HECW1: variants seen among roughly 807,000 people sequenced by gnomAD.
The protein encoded by HECW1 is E3 ubiquitin-protein ligase HECW1.
HECW1 carries 61 observed loss-of-function variants against 182.3 expected under a neutral mutation model. The ratio of observed to expected loss-of-function variants is 0.33; its 90% CI spans 0.27 to 0.41. The LOEUF is 0.41. Among genes scored for constraint, HECW1 ranks in the 10% least tolerant of loss-of-function variants. The pLI, the probability that HECW1 is intolerant of heterozygous loss-of-function variation, is 1.00. For synonymous variants in HECW1, 859 were observed against 832.6 expected, an observed-to-expected ratio of 1.03 and a Z score of -0.55; for missense variants, 1,739 against 2,108.9, an observed-to-expected ratio of 0.82 and a Z score of 3.44.
chr7:43,299,145 G>A (rs1806413730), intron 3 of HECW1, among the ~76,000 whole-genome samples: 1 of 152,236 alleles, frequency 6.6e-6, no homozygotes, highest in South Asian at 2.1e-4. Flanking sequence ...AAATGTCTTA[G>A]TGAGATGATA....
chr7:43,508,406 C>G (rs1019558203), intron 23 of HECW1, among the ~76,000 whole-genome samples: 2 of 152,124 alleles, frequency 1.3e-5, no homozygotes, highest in African/African-American at 4.8e-5. Flanking sequence ...AGGTGGTGTA[C>G]CCCTCTGAGT....
intron 5 of HECW1, among the ~76,000 whole-genome samples, chr7:43,332,787 C>T (rs1488272227): frequency 6.6e-6 from 1 of 152,212 alleles, no homozygotes; most frequent in African/African-American, 2.4e-5. Flanking sequence ...AGCTAAACTT[C>T]TTTGAGCCAT....
chr7:43,211,022 A>G (rs1795964466), intron 2 of HECW1, among the ~76,000 whole-genome samples: 1 of 152,186 alleles, frequency 6.6e-6, no homozygotes, highest in African/African-American at 2.4e-5. Flanking sequence ...TATCCCGGTC[A>G]TTGTATTGTC....
chr7:43,279,008 A>G (rs78896906), intron 3 of HECW1, among the ~76,000 whole-genome samples: 4,214 of 152,316 alleles, frequency 0.028, 89 homozygotes, highest in Middle Eastern at 0.054. Context: ...CCTGGCTTAC[A>G]GGAAGTCAGT....
chr7:43,309,610 T>C (rs1349739822), intron 3 of HECW1, among the ~76,000 whole-genome samples: 1 of 152,210 alleles, frequency 6.6e-6, no homozygotes, highest in East Asian at 1.9e-4. Context: ...AGGCTCTTCA[T>C]CATGAATGCA....
At chr7:43,370,492 A>C (rs1230902278) in intron 6 of HECW1, among the ~76,000 whole-genome samples, 1 of 152,096 alleles carries the variant, frequency 6.6e-6, no homozygotes, top group African/African-American at 2.4e-5. Flanking sequence ...CAGCAATCTC[A>C]CTCCTTGGTA....
intron 14 of HECW1, among the ~76,000 whole-genome samples, chr7:43,464,512 G>A (rs1054814573): frequency 1.3e-5 from 2 of 151,240 alleles, no homozygotes; most frequent in African/African-American, 4.9e-5. Flanking sequence ...TTTTTAACCT[G>A]TAATGAGATA....
chr7:43,507,921 G>A, intron 22 of HECW1, 97 bp from the exon 23 acceptor site: 1 of 755,864 alleles, frequency 1.3e-6, no homozygotes, highest in Non-Finnish European at 2.3e-6. Flanking sequence ...GGAGAGGCTG[G>A]GGAGTGAGAA....
At chr7:43,180,917 C>G (rs1398643151) in intron 2 of HECW1, among the ~76,000 whole-genome samples, 1 of 152,152 alleles carries the variant, frequency 6.6e-6, no homozygotes, top group East Asian at 1.9e-4. Context: ...AGTCACCCTA[C>G]TGTGCAATAG....
rs190894009 is a variant in HECW1 at position 43,513,400 on chromosome 7, A to G, written c.4019+4279A>G. Reference sequence around the variant, plus strand: ...GCCACTTCCAGGCAAGGCACTGCCCAAAGACATCAATGGAGAAACCCCTGA... The same window carrying G: ...GCCACTTCCAGGCAAGGCACTGCCCGAAGACATCAATGGAGAAACCCCTGA... On this transcript the variant is annotated intron_variant, in intron 24 of 29. Transcript: ENST00000395891. Among the ~76,000 whole-genome samples the G allele has an allele frequency of 9.6e-4, 146 of 152,326 alleles. 2 individuals are homozygous for G. In the Middle Eastern group the frequency reaches 0.01, roughly 11 times the overall value.
At chr7:43,163,194 C>T (rs1790739593) in intron 2 of HECW1, 1 of 152,312 alleles carries the variant, frequency 6.6e-6, no homozygotes. Flanking sequence ...ACACACCAGG[C>T]TTCTTGAACA....
At chr7:43,447,458 T>C (rs191591789) in intron 11 of HECW1, among the ~76,000 whole-genome samples, 1 of 152,160 alleles carries the variant, frequency 6.6e-6, no homozygotes, top group African/African-American at 2.4e-5. Flanking sequence ...ATATCTAAGT[T>C]CCTGAACTCT....
chr7:43,455,944 T>C (rs529104030), intron 12 of HECW1, among the ~76,000 whole-genome samples: 1 of 151,770 alleles, frequency 6.6e-6, no homozygotes, highest in South Asian at 2.1e-4. Flanking sequence ...GAGGTTGCAG[T>C]GAGCCAAGAT....
At chr7:43,546,256 T>G (rs1264295635) in intron 26 of HECW1, among the ~76,000 whole-genome samples, 2 of 134,784 alleles carry the variant, frequency 1.5e-5, no homozygotes, top group Non-Finnish European at 3.1e-5. Flanking sequence ...ATATCCACAG[T>G]CTCTTTCATG....
chr7:43,541,432 A>G (rs962232109), intron 25 of HECW1, among the ~76,000 whole-genome samples, 171 bp downstream of exon 25: 5 of 152,226 alleles, frequency 3.3e-5, no homozygotes, highest in African/African-American at 1.2e-4. Flanking sequence ...TTTTTAGCAC[A>G]ATAAAAAGGT....
At chr7:43,529,825 C>T (rs949373496) in intron 24 of HECW1, among the ~76,000 whole-genome samples, 5 of 152,238 alleles carry the variant, frequency 3.3e-5, no homozygotes, top group Non-Finnish European at 7.3e-5. Flanking sequence ...CTCTCCCTCA[C>T]TCACTTCCTC....
intron 24 of HECW1, among the ~76,000 whole-genome samples, chr7:43,532,245 A>C (rs1250943148): frequency 1.3e-5 from 2 of 152,028 alleles, no homozygotes; most frequent in Non-Finnish European, 2.9e-5. Context: ...TCTTGAGAAT[A>C]CATCCAGACT....
intron 17 of HECW1, among the ~76,000 whole-genome samples, chr7:43,488,430 GAAAGAGAA>G (rs1200494498): frequency 0.036 from 3,081 of 86,638 alleles, 111 homozygotes; most frequent in South Asian, 0.057. Context: ...GAGAAAGAAA[GAAAGAGAA>G]AGAAAGAAAG....
chr7:43,287,856 C>T (rs1804859649), intron 3 of HECW1, among the ~76,000 whole-genome samples: 2 of 152,152 alleles, frequency 1.3e-5, no homozygotes, highest in South Asian at 4.1e-4. Context: ...TGGATTGTAC[C>T]TGAGGAGTGT....
Sources: allele counts gnomAD v4.1 joint callset (sites outside exome capture counted in the v4.1 genomes callset), GRCh38; gene constraint gnomAD v4.1.1; transcripts MANE v1.5; gene names NCBI Gene and HGNC (gene_info 2026-07-23, HGNC 2026-07-21).